The following SLCO1B1 variants were observed in gnomAD, a reference collection of about 807,000 sequenced individuals.
SLCO1B1 encodes OATP-2.
Under a neutral mutation model 70.1 loss-of-function variants are expected in SLCO1B1, and 81 were observed. The ratio of observed to expected loss-of-function variants is 1.16; its 90% CI spans 0.97 to 1.39. The LOEUF (loss-of-function observed/expected upper bound fraction) is 1.39. Among genes scored for constraint, SLCO1B1 ranks in the 40% most tolerant of loss-of-function variants. The pLI, the probability that SLCO1B1 is intolerant of heterozygous loss-of-function variation, is 0.00. For synonymous variants in SLCO1B1, 283 were observed against 271.5 expected, an observed-to-expected ratio of 1.04 and a Z score of -0.42; for missense variants, 895 against 799.6, an observed-to-expected ratio of 1.12 and a Z score of -1.44.
intron 14 of SLCO1B1, among the ~76,000 whole-genome samples, chr12:21,236,076 T>C (rs146337887): frequency 6.6e-6 from 1 of 152,272 alleles, no homozygotes; most frequent in East Asian, 1.9e-4. Flanking sequence ...GTATGTTTTG[T>C]ATAGTATCTC....
chr12:21,214,408 A>ATG, intron 11 of SLCO1B1, among the ~76,000 whole-genome samples: 1 of 148,588 alleles, frequency 6.7e-6, no homozygotes, highest in African/African-American at 2.5e-5. Context: ...TTGAGGAGGC[A>ATG]GTGTGCCCGT....
In SLCO1B1 at chr12:21,239,067, C is replaced by T; in HGVS notation, c.1954C>T (p.Gln652Ter). Residue 652 changes from glutamine (Q) to a stop codon, truncating the protein, a stop_gained, in exon 15 of 15, where the codon CAA (glutamine) becomes TAA (stop). Transcript: ENST00000256958. LOFTEE classifies it low-confidence loss of function (END_TRUNC). ...ILIYAMKKKY[Q>*]EKDINASENG... is the part of the protein sequence containing the mutation. Reference sequence around the variant, plus strand: ...AATTTATGCCATGAAGAAAAAATATCAAGAGAAAGATATCAATGCATCAGA... The same window carrying T: ...AATTTATGCCATGAAGAAAAAATATTAAGAGAAAGATATCAATGCATCAGA... The T allele has an allele frequency of 6.3e-7, 1 of 1,594,644 alleles. No individual in the cohort carries two copies. Among genetic ancestry groups the T allele is most frequent in the Non-Finnish European group, 8.6e-7 (1 of 1,163,516 alleles).
At chr12:21,235,081 ATTT>A (rs61184106) in intron 14 of SLCO1B1, among the ~76,000 whole-genome samples, 3 of 135,776 alleles carry the variant, frequency 2.2e-5, no homozygotes, top group Admixed American at 7.4e-5. Context: ...TTCAAGTCGA[ATTT>A]TTTTTTTTTT....
intron 9 of SLCO1B1, 27 bp downstream of exon 9, chr12:21,200,699 T>C (rs775027720): frequency 3.2e-5 from 51 of 1,593,562 alleles, no homozygotes; most frequent in Non-Finnish European, 4.4e-5. Flanking sequence ...ACTTGTGTGC[T>C]TAATAAGTGA....
intron 1 of SLCO1B1, among the ~76,000 whole-genome samples, chr12:21,139,058 G>A (rs1257558950): frequency 1.3e-5 from 2 of 152,086 alleles, no homozygotes; most frequent in African/African-American, 4.8e-5. Flanking sequence ...AAATAAACCA[G>A]GTTTGGAGTG....
At chr12:21,204,394 C>T (rs1304769262) in intron 10 of SLCO1B1, among the ~76,000 whole-genome samples, 12 of 151,438 alleles carry the variant, frequency 7.9e-5, no homozygotes, top group Admixed American at 4.0e-4. Flanking sequence ...TTAAAATTTT[C>T]TTAGTATTAC....
chr12:21,185,092 G>A (rs1370425911), intron 7 of SLCO1B1, among the ~76,000 whole-genome samples: 1 of 152,060 alleles, frequency 6.6e-6, no homozygotes, highest in African/African-American at 2.4e-5. Flanking sequence ...AGTCAAAAGT[G>A]GAGGACCCAG....
intron 7 of SLCO1B1, among the ~76,000 whole-genome samples, chr12:21,195,473 A>T (rs1941080864): frequency 6.6e-6 from 1 of 151,976 alleles, no homozygotes; most frequent in Non-Finnish European, 1.5e-5. Context: ...CTCTGCATAG[A>T]TCTGGGAGCA....
chr12:21,163,388 T>C (rs1418559241), intron 2 of SLCO1B1, among the ~76,000 whole-genome samples: 1 of 152,170 alleles, frequency 6.6e-6, no homozygotes, highest in Non-Finnish European at 1.5e-5. Context: ...TTGTCATCTT[T>C]CATGTTCTTC....
intron 11 of SLCO1B1, among the ~76,000 whole-genome samples, chr12:21,208,057 C>T (rs1430323669): frequency 6.6e-6 from 1 of 151,860 alleles, no homozygotes; most frequent in Non-Finnish European, 1.5e-5. Context: ...GTGTTAGATG[C>T]ATGGTTTGCA....
chr12:21,133,072 T>C (rs1282823742), intron 1 of SLCO1B1, among the ~76,000 whole-genome samples: 5 of 152,180 alleles, frequency 3.3e-5, no homozygotes, highest in Middle Eastern at 6.8e-3. Context: ...TTTCCCAGCA[T>C]CATTTATTAA....
At chr12:21,186,517 C>T (rs1328171672) in intron 7 of SLCO1B1, among the ~76,000 whole-genome samples, 1 of 152,044 alleles carries the variant, frequency 6.6e-6, no homozygotes, top group Non-Finnish European at 1.5e-5. Flanking sequence ...TGAATTGCCA[C>T]TAGTGATGCT....
intron 2 of SLCO1B1, among the ~76,000 whole-genome samples, chr12:21,160,836 A>T (rs933072381): frequency 4.6e-5 from 7 of 152,174 alleles, no homozygotes; most frequent in African/African-American, 1.7e-4. Flanking sequence ...GGCCTCATTA[A>T]AATGTAGGCA....
rs74403531 is a variant in SLCO1B1 at position 21,141,740 on chromosome 12, C to T, written c.84+82C>T. The T allele has an allele frequency of 5.3e-4, 411 of 772,738 alleles. 3 individuals are homozygous for T. The East Asian group carries it at 9.2e-3, about 17-fold the overall frequency. The allele number at this position is 772,738 out of a possible 1,614,324, so 47.9% of individuals were successfully genotyped here. ...TAGAAAAGCAAGTTGTTAAAAAGAA[C>T]ATTATGTTTCAAATTATAATTTTCA... On this transcript the variant is annotated intron_variant, in intron 2 of 14. Transcript: ENST00000256958.
chr12:21,186,189 T>TAA (rs1861671669), intron 7 of SLCO1B1, among the ~76,000 whole-genome samples: 1 of 152,116 alleles, frequency 6.6e-6, no homozygotes, highest in Non-Finnish European at 1.5e-5. Flanking sequence ...AACACATATG[T>TAA]ACCTCATATT....
intron 2 of SLCO1B1, among the ~76,000 whole-genome samples, chr12:21,161,804 T>C (rs1940622970): frequency 6.6e-6 from 1 of 152,160 alleles, no homozygotes; most frequent in South Asian, 2.1e-4. Flanking sequence ...GGTCGGGGGT[T>C]TGAGATCAGC....
At position 21,222,314 on chromosome 12, in the gene SLCO1B1, A is replaced by T; in HGVS notation, c.1697A>T (p.Glu566Val). The T allele has an allele frequency of 7.4e-7, 1 of 1,356,632 alleles. No individual in the cohort carries two copies. The highest frequency in any genetic ancestry group is 9.8e-7 in the Non-Finnish European group (1 of 1,022,722). 84.0% of individuals were successfully genotyped at this position (1,356,632 alleles called of 1,614,324 possible). ...VMLIVKIVQP[E>V]LKSLALGFHS... ...TCTTGTTTCAGAATTGTTCAACCTG[A>T]ATTGAAATCACTTGCACTGGGTTTC... Residue 566 changes from glutamate to valine, a missense_variant, in exon 13 of 15, where the codon GAA (glutamate) becomes GTA (valine). Physicochemically the swap from Glu to Val is moderately radical, Grantham distance 121. Coordinates refer to ENST00000256958, the MANE Select transcript of SLCO1B1 (RefSeq NM_006446.5).
At chr12:21,135,841 G>T (rs1158710527) in intron 1 of SLCO1B1, among the ~76,000 whole-genome samples, 2 of 152,188 alleles carry the variant, frequency 1.3e-5, no homozygotes, top group East Asian at 1.9e-4. Context: ...TACATTTAAA[G>T]TTAATATTGT....
intron 2 of SLCO1B1, among the ~76,000 whole-genome samples, chr12:21,158,596 A>C (rs1323589712): frequency 6.6e-6 from 1 of 152,056 alleles, no homozygotes; most frequent in African/African-American, 2.4e-5. Flanking sequence ...CAGGAGGCTG[A>C]GGTGAGAGAA....
Sources: gnomAD v4.1 joint callset for allele counts (sites outside exome capture counted in the v4.1 genomes callset) on GRCh38, gnomAD v4.1.1 for gene constraint, MANE v1.5 for transcripts, NCBI Gene and HGNC (gene_info 2026-07-23, HGNC 2026-07-21) for gene names.